NRG1: variants seen among roughly 807,000 people sequenced by gnomAD.
NRG1 encodes pro-neuregulin-1, membrane-bound isoform.
A neutral mutation model predicts 63.8 loss-of-function variants in NRG1; 18 were observed. The observed-to-expected ratio is 0.28, with a 90% CI of 0.19 to 0.42. The LOEUF (loss-of-function observed/expected upper bound fraction) is 0.42, where lower values mean the gene tolerates loss of function less well. Among genes scored for constraint, NRG1 ranks in the 10% least tolerant of loss-of-function variants. NRG1 has a pLI of 1.00. For missense variants in NRG1, 762 were observed against 814.7 expected, an observed-to-expected ratio of 0.94 and a Z score of 0.79; for synonymous variants, 302 against 301.3, an observed-to-expected ratio of 1.00 and a Z score of -0.02.
intron 1 of NRG1, among the ~76,000 whole-genome samples, chr8:32,017,430 G>T (rs1269476748): frequency 6.6e-6 from 1 of 152,054 alleles, no homozygotes; most frequent in Non-Finnish European, 1.5e-5. Context: ...AATCAGTTCT[G>T]CAGCAGACAC....
At chr8:32,250,596 G>A (rs936314342) in intron 1 of NRG1, among the ~76,000 whole-genome samples, 5 of 151,926 alleles carry the variant, frequency 3.3e-5, no homozygotes, top group African/African-American at 1.2e-4. Context: ...GGATTTCCAC[G>A]AATGCAATGC....
intron 1 of NRG1, among the ~76,000 whole-genome samples, chr8:32,413,094 A>G (rs1367787080): frequency 6.6e-6 from 1 of 152,196 alleles, no homozygotes; most frequent in Non-Finnish European, 1.5e-5. Flanking sequence ...AGCCTGAAAC[A>G]TGTGCATATT....
chr8:31,995,863 T>C (rs962812595), intron 1 of NRG1, among the ~76,000 whole-genome samples: 4 of 151,986 alleles, frequency 2.6e-5, no homozygotes, highest in African/African-American at 7.2e-5. Context: ...CTTTCTCTTG[T>C]CCCACATGCT....
rs1484173440 is a variant in NRG1, at chr8:31,770,006, T to C, written c.37+130575T>C. ...CGGGGAGAGAGAATACTCCAGGAAA[T>C]AGGTGTTGGCATCTGTGGAAAGGAG... On this transcript the variant is annotated intron_variant, in intron 1 of 10. Transcript: ENST00000519301. 2.6e-5 allele frequency among the ~76,000 whole-genome samples: 4 copies of C among 152,080 alleles called. 1 individual carries two copies. In the East Asian group the frequency reaches 7.8e-4, roughly 29 times the overall value.
At chr8:32,017,295 G>A (rs781780990) in intron 1 of NRG1, among the ~76,000 whole-genome samples, 2 of 152,114 alleles carry the variant, frequency 1.3e-5, no homozygotes, top group Non-Finnish European at 2.9e-5. Context: ...AAACTGTATT[G>A]TAGACTCGGA....
chr8:31,923,422 T>C (rs73580628), intron 1 of NRG1, among the ~76,000 whole-genome samples: 2,271 of 152,232 alleles, frequency 0.015, 48 homozygotes, highest in African/African-American at 0.052. Flanking sequence ...GTACTGTAAG[T>C]TTTTTCTAAT....
rs772944597 is a variant in NRG1, at chr8:31,738,470, A to AT, written c.37+99041dup. Among the ~76,000 whole-genome samples the AT allele has an allele frequency of 2.6e-5, 4 of 152,252 alleles. No individual in the cohort carries two copies. The South Asian group carries it at 6.2e-4, about 24-fold the overall frequency. On this transcript the variant is annotated intron_variant, in intron 1 of 10. Coordinates refer to the NRG1 transcript ENST00000519301. ...ATAATTTCTTATTCTCAAAGCATAC[A>AT]TTGATTTTCTTAAACTAGGCTTTTC...
intron 1 of NRG1, among the ~76,000 whole-genome samples, chr8:32,208,083 T>C (rs1333313964): frequency 6.6e-6 from 1 of 152,214 alleles, no homozygotes; most frequent in Non-Finnish European, 1.5e-5. Context: ...CTCTGTCTAA[T>C]GTCTATGTGT....
At chr8:31,696,895 T>C (rs1810124068) in intron 1 of NRG1, among the ~76,000 whole-genome samples, 1 of 152,098 alleles carries the variant, frequency 6.6e-6, no homozygotes, top group African/African-American at 2.4e-5. Context: ...AAAGTTGCAG[T>C]CTTATATATG....
At chr8:31,862,235 TTGTG>T (rs1282168876) in intron 1 of NRG1, among the ~76,000 whole-genome samples, 1 of 152,208 alleles carries the variant, frequency 6.6e-6, no homozygotes, top group Non-Finnish European at 1.5e-5. Flanking sequence ...AAGTTATCAC[TTGTG>T]TGTATCAGGA....
At chr8:32,196,658 A>T (rs1842977667) in intron 1 of NRG1, among the ~76,000 whole-genome samples, 1 of 152,158 alleles carries the variant, frequency 6.6e-6, no homozygotes, top group Non-Finnish European at 1.5e-5. Flanking sequence ...ACAAGAAAAT[A>T]GTTTAAAATT....
chr8:32,649,813 CT>C (rs1466745541), intron 5 of NRG1, among the ~76,000 whole-genome samples: 1 of 152,194 alleles, frequency 6.6e-6, no homozygotes, highest in Non-Finnish European at 1.5e-5. Context: ...CATTAAAGGT[CT>C]GACAGACATC....
intron 5 of NRG1, among the ~76,000 whole-genome samples, chr8:32,680,915 A>AT (rs1487359719): frequency 3.3e-5 from 5 of 152,176 alleles, no homozygotes; most frequent in Admixed American, 2.6e-4. Context: ...AATAAAATAC[A>AT]TGATACCATC....
intron 1 of NRG1, among the ~76,000 whole-genome samples, chr8:32,276,409 T>C (rs1322388609): frequency 6.6e-6 from 1 of 152,220 alleles, no homozygotes; most frequent in African/African-American, 2.4e-5. Flanking sequence ...AGTATTCCAT[T>C]GTGGATATGT....
chr8:32,297,063 CA>C (rs1158159089), intron 1 of NRG1, among the ~76,000 whole-genome samples: 3 of 151,936 alleles, frequency 2.0e-5, no homozygotes, highest in Non-Finnish European at 4.4e-5. Context: ...TGCAGTGAGC[CA>C]AGATCGCGCC....
intron 5 of NRG1, among the ~76,000 whole-genome samples, chr8:32,653,750 A>G (rs1297037807): frequency 3.3e-5 from 5 of 152,240 alleles, no homozygotes; most frequent in African/African-American, 1.2e-4. Context: ...CATCAAGAGT[A>G]TTAAAATATT....
upstream of NRG1, among the ~76,000 whole-genome samples, chr8:32,548,023 C>T (rs1833282778): frequency 6.6e-6 from 1 of 152,094 alleles, no homozygotes; most frequent in South Asian, 2.1e-4. Flanking sequence ...GTCTCCGGGG[C>T]GCTGGCCTCG....
intron 1 of NRG1, among the ~76,000 whole-genome samples, chr8:32,172,704 A>C (rs1243068714): frequency 1.3e-5 from 2 of 152,274 alleles, no homozygotes; most frequent in Non-Finnish European, 2.9e-5. Context: ...CACAAGCCTC[A>C]GTAGCTGATT....
At chr8:31,978,281 C>T (rs1808517298) in intron 1 of NRG1, among the ~76,000 whole-genome samples, 1 of 152,014 alleles carries the variant, frequency 6.6e-6, no homozygotes, top group African/African-American at 2.4e-5. Context: ...TGCTGTCTCT[C>T]ACTAAATATT....
Sources: allele counts gnomAD v4.1 joint callset (sites outside exome capture counted in the v4.1 genomes callset), GRCh38; gene constraint gnomAD v4.1.1; transcripts MANE v1.5; gene names NCBI Gene and HGNC (gene_info 2026-07-23, HGNC 2026-07-21).